NME8: variants seen among roughly 807,000 people sequenced by gnomAD.
NME8 encodes the protein protein NME8.
Under a neutral mutation model 82.3 loss-of-function variants are expected in NME8, and 72 were observed. That is an observed-to-expected ratio of 0.87 (90% CI 0.72 to 1.06). NME8 has a LOEUF of 1.06. Among genes scored for constraint, NME8 ranks in the 50% least tolerant of loss-of-function variants. The probability of loss-of-function intolerance (pLI) is 0.00; values close to 1 mark genes in which losing one functional copy is unlikely to be tolerated. For missense variants in NME8, 712 were observed against 685.4 expected (o/e 1.04, Z -0.43); for synonymous variants, 267 against 228.5 (o/e 1.17, Z -1.52).
intron 8 of NME8, among the ~76,000 whole-genome samples, chr7:37,863,868 G>A (rs1784634929): frequency 6.6e-6 from 1 of 152,202 alleles, no homozygotes; most frequent in Admixed American, 6.5e-5. Flanking sequence ...GTAGTGGGGT[G>A]TATGTGTTCA....
chr7:37,853,669 C>G (rs1784468765), intron 5 of NME8, among the ~76,000 whole-genome samples: 1 of 152,054 alleles, frequency 6.6e-6, no homozygotes, highest in South Asian at 2.1e-4. Flanking sequence ...CTCCAAACCT[C>G]CATTGTGAGC....
intron 15 of NME8, among the ~76,000 whole-genome samples, chr7:37,893,474 A>G (rs1002307495): frequency 1.3e-5 from 2 of 151,954 alleles, no homozygotes; most frequent in Middle Eastern, 3.4e-3. Context: ...TACTTGGCCA[A>G]CTTCATCTCC....
At chr7:37,857,394 T>C in intron 6 of NME8, 49 bp downstream of exon 6, 2 of 1,240,998 alleles carry the variant, frequency 1.6e-6, no homozygotes, top group Non-Finnish European at 2.4e-6. Context: ...CAGTTTGCAG[T>C]TAAGAACAAG....
chr7:37,852,215 C>T (rs1224089802), intron 5 of NME8, among the ~76,000 whole-genome samples: 2 of 151,902 alleles, frequency 1.3e-5, no homozygotes, highest in African/African-American at 2.4e-5. Context: ...GTTTTAGGCT[C>T]ATAGCAAAAT....
chr7:37,886,518 C>T (rs1583642640), intron 14 of NME8, among the ~76,000 whole-genome samples: 1 of 152,176 alleles, frequency 6.6e-6, no homozygotes, highest in South Asian at 2.1e-4. Flanking sequence ...CTTTCCTGTG[C>T]CTGAATATCA....
intron 17 of NME8, among the ~76,000 whole-genome samples, chr7:37,898,221 ATGATTGTACAGTGTACAG>A (rs1223442795): frequency 6.6e-6 from 1 of 152,202 alleles, no homozygotes; most frequent in Admixed American, 6.5e-5. Context: ...ACAGTGTACA[ATGATTGTACAGTGTACAG>A]TGATTGAAAA....
At chr7:37,872,468 C>T (rs1784782578) in intron 11 of NME8, among the ~76,000 whole-genome samples, 1 of 152,036 alleles carries the variant, frequency 6.6e-6, no homozygotes, top group African/African-American at 2.4e-5. Flanking sequence ...TGCTTAGAGA[C>T]AGAAAAACCC....
chr7:37,884,533 C>T, intron 13 of NME8, 86 bp downstream of exon 13: 3 of 1,135,500 alleles, frequency 2.6e-6, no homozygotes, highest in Non-Finnish European at 4.0e-6. Context: ...TTTAAGCTGC[C>T]AAACTCCTCA....
At chr7:37,885,051 G>C in intron 13 of NME8, 94 bp from the exon 14 acceptor site, 2 of 768,314 alleles carry the variant, frequency 2.6e-6, no homozygotes, top group Non-Finnish European at 2.3e-6. Flanking sequence ...ACATGTTTTT[G>C]ATCTATTTAA....
rs1784597900 is a variant in NME8, at chr7:37,861,620, C to T, written c.271-408C>T. On this transcript the variant is annotated intron_variant, in intron 6 of 17. Coordinates refer to ENST00000199447, the MANE Select transcript of NME8 (RefSeq NM_016616.5). ...TTGTGCCTGGTACGGCACCAGTAAA[C>T]AGATGCTTAGTAAACAGGTGTTAAA... 3.3e-5 allele frequency among the ~76,000 whole-genome samples: 5 copies of T among 152,224 alleles called. No individual in the cohort carries two copies. The South Asian group carries it at 1.0e-3, about 32-fold the overall frequency.
rs751518399 is a variant in NME8 at position 37,867,703 on chromosome 7, G to A, written c.623G>A (p.Cys208Tyr). Residue 208 changes from cysteine (C) to tyrosine (Y), a missense_variant and splice_region_variant, in exon 11 of 18, where the codon TGT (cysteine) becomes TAT (tyrosine). By Grantham distance (194) the Cys-to-Tyr change is radical. Transcript: ENST00000199447. ...VNFYSRIADQ[C>Y]DFEEFVSFMT... is the part of the protein sequence containing the mutation. ...ACAGTTTATCATTTTATTTTGTAGT[G>A]TGACTTCGAAGAGTTTGTCTCTTTT... is the stretch of plus-strand genomic sequence containing the variant. 7.4e-6 allele frequency: 12 copies of A among 1,610,758 alleles called. No homozygotes were observed. The Middle Eastern group carries it at 5.0e-4, about 67-fold the overall frequency.
intron 6 of NME8, among the ~76,000 whole-genome samples, chr7:37,857,580 G>A (rs1340159270): frequency 6.6e-6 from 1 of 152,152 alleles, no homozygotes; most frequent in Admixed American, 6.6e-5. Flanking sequence ...AAGTAAGATG[G>A]CGTTTATCTT....
chr7:37,867,661 T>A (rs200722726), intron 10 of NME8, 41 bp from the exon 11 acceptor site: 8 of 1,529,932 alleles, frequency 5.2e-6, no homozygotes, highest in Non-Finnish European at 7.2e-6. Flanking sequence ...TCCATCCATT[T>A]CAGGAGCCTG....
At position 37,857,315 on chromosome 7, in the gene NME8, T is replaced by C. The variant is rs1372349900; in HGVS notation, c.240T>C (p.Asp80=). The change falls in exon 6 of 18, where the codon GAT becomes GAC. Residue 80 remains aspartate (D), a synonymous_variant. Coordinates refer to ENST00000199447, the MANE Select transcript of NME8 (RefSeq NM_016616.5). ...DNIVTLQPFR[D]KCEPVFLFSV... is the part of the protein sequence containing the mutation. ...TTGTGACTTTGCAGCCATTTAGAGA[T>C]AAATGTGAACCTGTTTTTCTCTTTA... The C allele has an allele frequency of 1.2e-6, 2 of 1,611,566 alleles. No homozygotes were observed. The highest frequency in any genetic ancestry group is 1.7e-6 in the Non-Finnish European group (2 of 1,178,226).
At chr7:37,871,393 G>C (rs1211768786) in intron 11 of NME8, among the ~76,000 whole-genome samples, 1 of 152,202 alleles carries the variant, frequency 6.6e-6, no homozygotes, top group African/African-American at 2.4e-5. Context: ...TTACATGTCT[G>C]TCTCTTTAAT....
At chr7:37,851,516 G>A in intron 5 of NME8, among the ~76,000 whole-genome samples, 1 of 150,488 alleles carries the variant, frequency 6.6e-6, no homozygotes, top group African/African-American at 2.5e-5. Context: ...ACATACTCAA[G>A]TGTAAGAGAC....
intron 12 of NME8, 71 bp downstream of exon 12, chr7:37,877,078 C>T: frequency 8.2e-7 from 1 of 1,226,708 alleles, no homozygotes; most frequent in Non-Finnish European, 1.2e-6. Flanking sequence ...AGTATAATTG[C>T]ATTTAAAGAC....
rs113903273 is a variant in NME8, at chr7:37,876,966, C to T, written c.953C>T (p.Thr318Ile). The T allele has an allele frequency of 1.2e-6, 2 of 1,613,170 alleles. No individual in the cohort carries two copies. Among genetic ancestry groups the T allele is most frequent in the South Asian group, 2.2e-5 (2 of 91,062 alleles). ...KKMKSMKLEK[T>I]LALLRPNLFH... ...ATGAAAAGCATGAAATTAGAAAAGA[C>T]ATTGGCATTACTTCGACCAAATCTC... The change falls in exon 12 of 18, where the codon ACA becomes ATA. Residue 318 changes from threonine to isoleucine, a missense_variant. Thr to Ile is a moderately conservative substitution (Grantham distance 89). Coordinates refer to ENST00000199447, the MANE Select transcript of NME8 (RefSeq NM_016616.5).
At chr7:37,887,749 G>A (rs1456965729) in intron 14 of NME8, among the ~76,000 whole-genome samples, 1 of 152,140 alleles carries the variant, frequency 6.6e-6, no homozygotes, top group African/African-American at 2.4e-5. Context: ...CATGGCTGGG[G>A]AAGCCTCAGG....
Sources: gnomAD v4.1 joint callset for allele counts (sites outside exome capture counted in the v4.1 genomes callset) on GRCh38, gnomAD v4.1.1 for gene constraint, MANE v1.5 for transcripts, NCBI Gene and HGNC (gene_info 2026-07-23, HGNC 2026-07-21) for gene names.